Variants in CDH11 observed in about 807,000 individuals in gnomAD.
CDH11 encodes cadherin-11.
In CDH11, 11 loss-of-function variants were observed where a neutral mutation model predicts 67.8. The observed-to-expected ratio is 0.16, with a 90% CI of 0.10 to 0.27. CDH11 has a LOEUF of 0.27. CDH11 is among the 10% of genes least tolerant of loss of function. The pLI is 1.00. For missense variants in CDH11, 847 were observed against 1,031.2 expected (o/e 0.82, Z 2.45); for synonymous variants, 419 against 400.0 (o/e 1.05, Z -0.57).
At chr16:65,033,906 A>G (rs937429562) in intron 2 of CDH11, among the ~76,000 whole-genome samples, 1 of 152,192 alleles carries the variant, frequency 6.6e-6, no homozygotes, top group Admixed American at 6.5e-5. Context: ...GCACTTAAGC[A>G]GTATTCAAAG....
intron 1 of CDH11, among the ~76,000 whole-genome samples, chr16:65,115,147 A>C (rs1197222303): frequency 6.6e-6 from 1 of 152,164 alleles, no homozygotes; most frequent in East Asian, 1.9e-4. Context: ...GTATTACTGC[A>C]GGGTAACTTA....
chr16:64,977,774 C>A (rs1421992552), intron 8 of CDH11, among the ~76,000 whole-genome samples: 1 of 152,154 alleles, frequency 6.6e-6, no homozygotes, highest in African/African-American at 2.4e-5. Flanking sequence ...CCTCACTCTT[C>A]CCACCTGTTC....
chr16:64,958,787 C>G (rs1412736537), intron 11 of CDH11, among the ~76,000 whole-genome samples: 1 of 152,080 alleles, frequency 6.6e-6, no homozygotes, highest in Non-Finnish European at 1.5e-5. Flanking sequence ...AAGAAAAACT[C>G]AGTTTCTAGA....
intron 1 of CDH11, among the ~76,000 whole-genome samples, chr16:65,103,833 C>A (rs2075029114): frequency 6.6e-6 from 1 of 152,002 alleles, no homozygotes; most frequent in Non-Finnish European, 1.5e-5. Context: ...AATAATGTTA[C>A]ATTGATTATA....
intron 1 of CDH11, among the ~76,000 whole-genome samples, chr16:65,089,586 A>C (rs2074760804): frequency 6.6e-6 from 1 of 152,162 alleles, no homozygotes; most frequent in African/African-American, 2.4e-5. Context: ...AGTTATCAGC[A>C]CTTTATATAA....
At chr16:65,107,344 T>C (rs925707223) in intron 1 of CDH11, among the ~76,000 whole-genome samples, 3 of 152,238 alleles carry the variant, frequency 2.0e-5, no homozygotes, top group Non-Finnish European at 2.9e-5. Context: ...AGATAATTCA[T>C]GGGACATGCT....
intron 1 of CDH11, among the ~76,000 whole-genome samples, chr16:65,066,631 C>T (rs1364101734): frequency 6.6e-6 from 1 of 152,234 alleles, no homozygotes; most frequent in Non-Finnish European, 1.5e-5. Context: ...ATAGCTGATG[C>T]TCAGTAACTA....
At chr16:65,051,424 A>G (rs900392907) in intron 2 of CDH11, among the ~76,000 whole-genome samples, 2 of 149,382 alleles carry the variant, frequency 1.3e-5, no homozygotes, top group Non-Finnish European at 3.0e-5. Context: ...AATATGGGAG[A>G]TTCATTCAGG....
chr16:65,116,433 C>G (rs1056852265), intron 1 of CDH11, among the ~76,000 whole-genome samples: 1 of 152,136 alleles, frequency 6.6e-6, no homozygotes, highest in African/African-American at 2.4e-5. Context: ...AAGCCGGGCT[C>G]CAGGCCATTT....
chr16:65,004,588 C>T (rs748434676), intron 3 of CDH11, 54 bp downstream of exon 3: 43 of 1,549,242 alleles, frequency 2.8e-5, no homozygotes, highest in Admixed American at 1.5e-4. Flanking sequence ...TGGCCACAGA[C>T]GACTATTCCA....
chr16:65,066,186 G>C (rs1406503587), intron 1 of CDH11, among the ~76,000 whole-genome samples: 1 of 152,124 alleles, frequency 6.6e-6, no homozygotes, highest in Non-Finnish European at 1.5e-5. Context: ...TCCTACTTTT[G>C]CCTCTGAACT....
At chr16:64,970,515 C>G (rs2071976023) in intron 11 of CDH11, among the ~76,000 whole-genome samples, 1 of 152,128 alleles carries the variant, frequency 6.6e-6, no homozygotes, top group Non-Finnish European at 1.5e-5. Flanking sequence ...ACAATAATGC[C>G]TACCTATGGT....
chr16:64,996,079 T>C (rs2072755461), intron 4 of CDH11, among the ~76,000 whole-genome samples: 1 of 151,890 alleles, frequency 6.6e-6, no homozygotes, highest in Non-Finnish European at 1.5e-5. Context: ...GATTAAAAAG[T>C]CAAAAAATAA....
At chr16:65,050,658 T>C (rs1385108918) in intron 2 of CDH11, among the ~76,000 whole-genome samples, 1 of 152,222 alleles carries the variant, frequency 6.6e-6, no homozygotes, top group African/African-American at 2.4e-5. Context: ...GATTGTTCCA[T>C]CTGCATTCCT....
intron 1 of CDH11, among the ~76,000 whole-genome samples, chr16:65,097,965 G>A (rs2074928269): frequency 6.6e-6 from 1 of 152,158 alleles, no homozygotes; most frequent in Admixed American, 6.5e-5. Context: ...AAGAGCAGGT[G>A]AGCCACTCAA....
At chr16:65,036,213 T>A (rs552351888) in intron 2 of CDH11, among the ~76,000 whole-genome samples, 1 of 152,206 alleles carries the variant, frequency 6.6e-6, no homozygotes, top group South Asian at 2.1e-4. Context: ...GTGATGATCT[T>A]AGAGGTTTCA....
intron 6 of CDH11, among the ~76,000 whole-genome samples, chr16:64,989,993 A>G (rs950685811): frequency 2.6e-5 from 4 of 152,184 alleles, no homozygotes; most frequent in Non-Finnish European, 5.9e-5. Context: ...CATGCCCTCT[A>G]TATTAAAGGA....
intron 2 of CDH11, among the ~76,000 whole-genome samples, chr16:65,033,462 C>G (rs1033590393): frequency 6.6e-6 from 1 of 152,062 alleles, no homozygotes; most frequent in African/African-American, 2.4e-5. Flanking sequence ...CACCAGTGGT[C>G]GGGTGCGGTG....
chr16:65,121,826 C>A lies in CDH11; in HGVS notation c.-298+54G>T, dbSNP rs943424615. ...TCTCTTCCTGAGAAAATCCTGCCCC[C>A]CATTCCAAGAAGCCCCAACCAGGCG... On this transcript the variant is annotated intron_variant, in intron 1 of 12. Transcript: ENST00000268603. This position sits in a 1 kb window ranked among gnomAD's most constrained non-coding sequence, Gnocchi z 4.1. 1 of 701,734 alleles carries A rather than the reference C, an allele frequency of 1.4e-6. No individual in the cohort carries two copies. Among genetic ancestry groups the A allele is most frequent in the Non-Finnish European group, 2.6e-6 (1 of 384,538 alleles). The allele number at this position is 701,734 out of a possible 1,614,324, so 43.5% of individuals were successfully genotyped here. A position where few individuals can be genotyped will look rare whatever the true frequency, so the allele number is the denominator to read the frequency against.
Sources: allele counts gnomAD v4.1 joint callset (sites outside exome capture counted in the v4.1 genomes callset), GRCh38; gene constraint gnomAD v4.1.1; non-coding constraint Gnocchi (gnomAD v3.1); transcripts MANE v1.5; gene names NCBI Gene and HGNC (gene_info 2026-07-23, HGNC 2026-07-21).